CYRIA: variants seen among roughly 807,000 people sequenced by gnomAD.
The protein encoded by CYRIA is CYFIP-related Rac1 interactor A.
Under a neutral mutation model 43.9 loss-of-function variants are expected in CYRIA, and 15 were observed. The ratio of observed to expected loss-of-function variants is 0.34; its 90% CI spans 0.23 to 0.53. The LOEUF is 0.53. CYRIA is among the 20% of genes least tolerant of loss of function. The probability of loss-of-function intolerance (pLI) is 0.94; values close to 1 mark genes in which losing one functional copy is unlikely to be tolerated. For missense variants in CYRIA, 236 were observed against 394.2 expected, an observed-to-expected ratio of 0.60 and a Z score of 3.40; for synonymous variants, 117 against 136.0, an observed-to-expected ratio of 0.86 and a Z score of 0.97.
intron 3 of CYRIA, among the ~76,000 whole-genome samples, chr2:16,587,351 C>A (rs540753624): frequency 7.0e-4 from 106 of 152,210 alleles, no homozygotes; most frequent in Non-Finnish European, 1.3e-3. Flanking sequence ...GTTTTCTTCA[C>A]ATCTTTTTTC....
chr2:16,579,966 G>C (rs915001056), intron 3 of CYRIA, among the ~76,000 whole-genome samples: 25 of 131,378 alleles, frequency 1.9e-4, no homozygotes, highest in Admixed American at 7.5e-4. Flanking sequence ...TTTTTTTTTT[G>C]AGACAGGGTC....
chr2:16,618,282 CTTCTCT>C (rs1668872670), intron 2 of CYRIA, among the ~76,000 whole-genome samples: 2 of 152,208 alleles, frequency 1.3e-5, no homozygotes, highest in Admixed American at 6.5e-5. Context: ...TTCCCAGCAT[CTTCTCT>C]TTCTTTCTCT....
rs1669762676 is a variant in CYRIA, at chr2:16,644,481, T to C, written c.-166-20462A>G. 2.0e-5 allele frequency among the ~76,000 whole-genome samples: 3 copies of C among 152,198 alleles called. No individual in the cohort carries two copies. The South Asian group carries it at 6.2e-4, about 31-fold the overall frequency. On this transcript the variant is annotated intron_variant, in intron 1 of 11. Transcript: ENST00000381323. Reference sequence around the variant, plus strand: ...TCTCCTCTGGACAGTCCTTGCCATGTCCACCCATGAGCAGGAGCCTATCAC... The same window carrying C: ...TCTCCTCTGGACAGTCCTTGCCATGCCCACCCATGAGCAGGAGCCTATCAC...
intron 1 of CYRIA, among the ~76,000 whole-genome samples, chr2:16,646,846 C>T (rs866691887): frequency 3.9e-5 from 6 of 152,058 alleles, no homozygotes; most frequent in African/African-American, 1.5e-4. Context: ...TCTCTCTTTG[C>T]TTCTGTGTCT....
chr2:16,640,519 C>G (rs920086459), intron 1 of CYRIA, among the ~76,000 whole-genome samples: 49 of 152,344 alleles, frequency 3.2e-4, no homozygotes, highest in Admixed American at 2.5e-3. Context: ...AATGGGCAGG[C>G]AGCCTGCCTA....
intron 3 of CYRIA, among the ~76,000 whole-genome samples, chr2:16,582,706 T>C (rs2103449040): frequency 6.6e-6 from 1 of 152,344 alleles, no homozygotes; most frequent in South Asian, 2.1e-4. Context: ...ATTTTTTTAA[T>C]TGATCAATAA....
intron 2 of CYRIA, among the ~76,000 whole-genome samples, chr2:16,603,765 C>CA (rs1175195533): frequency 3.9e-5 from 6 of 152,208 alleles, no homozygotes; most frequent in Non-Finnish European, 8.8e-5. Flanking sequence ...ACAGGACTAG[C>CA]ATGTAGTAAG....
At chr2:16,610,914 A>ATATATATG (rs1668572560) in intron 2 of CYRIA, among the ~76,000 whole-genome samples, 1 of 61,980 alleles carries the variant, frequency 1.6e-5, no homozygotes, top group African/African-American at 9.9e-5. Flanking sequence ...ATATATATAT[A>ATATATATG]TATATATATA....
chr2:16,557,689 C>T (rs1267418477), intron 10 of CYRIA, among the ~76,000 whole-genome samples: 6 of 152,240 alleles, frequency 3.9e-5, no homozygotes, highest in South Asian at 2.1e-4. Context: ...CAAGACTATG[C>T]GTGAAGACTT....
intron 1 of CYRIA, among the ~76,000 whole-genome samples, chr2:16,642,701 A>C (rs531778226): frequency 5.9e-5 from 9 of 152,228 alleles, no homozygotes; most frequent in African/African-American, 1.9e-4. Flanking sequence ...TATCAGGTCC[A>C]TCACATTGGC....
At chr2:16,655,239 C>G (rs1670079589) in intron 1 of CYRIA, among the ~76,000 whole-genome samples, 1 of 152,238 alleles carries the variant, frequency 6.6e-6, no homozygotes, top group African/African-American at 2.4e-5. Context: ...GAACAATCTC[C>G]TCTTCCATCT....
chr2:16,556,349 T>C (rs1034543979), intron 10 of CYRIA, among the ~76,000 whole-genome samples: 14 of 152,118 alleles, frequency 9.2e-5, no homozygotes, highest in African/African-American at 3.4e-4. Flanking sequence ...ATGCCAGGTA[T>C]ATGCCACCCC....
intron 10 of CYRIA, among the ~76,000 whole-genome samples, chr2:16,557,602 T>C (rs1446241638): frequency 6.6e-6 from 1 of 152,142 alleles, no homozygotes; most frequent in African/African-American, 2.4e-5. Context: ...GAAACTTTCT[T>C]AGAGGTACAC....
intron 11 of CYRIA, among the ~76,000 whole-genome samples, chr2:16,554,700 C>A (rs1666443081): frequency 6.6e-6 from 1 of 152,086 alleles, no homozygotes; most frequent in African/African-American, 2.4e-5. Context: ...GTTTGGGAAC[C>A]ACTGGTAAAG....
intron 1 of CYRIA, among the ~76,000 whole-genome samples, chr2:16,663,054 C>T (rs551918811): frequency 1.3e-5 from 2 of 152,294 alleles, no homozygotes; most frequent in East Asian, 3.9e-4. Flanking sequence ...CTGGAGGATG[C>T]CTCTAACCCT....
At position 16,653,541 on chromosome 2, in the gene CYRIA, A is replaced by G. The variant is rs1357532201; in HGVS notation, c.-167+12239T>C. 2.6e-5 allele frequency among the ~76,000 whole-genome samples: 4 copies of G among 152,160 alleles called. No individual in the cohort carries two copies. The East Asian group carries it at 7.7e-4, about 29-fold the overall frequency. Reference sequence around the variant, plus strand: ...AACTTACCACCATCTAACATGATATACATTTTACTTGTTTATATGTTTATG... The same window carrying G: ...AACTTACCACCATCTAACATGATATGCATTTTACTTGTTTATATGTTTATG... On this transcript the variant is annotated intron_variant, in intron 1 of 11. Coordinates refer to ENST00000381323, the MANE Select transcript of CYRIA (RefSeq NM_030797.4).
intron 2 of CYRIA, among the ~76,000 whole-genome samples, chr2:16,619,606 T>C (rs1015007902): frequency 2.0e-5 from 3 of 152,212 alleles, no homozygotes; most frequent in Non-Finnish European, 4.4e-5. Context: ...TTTCTACTTC[T>C]TTTCTTGGTC....
At chr2:16,660,919 G>C (rs1670236106) in intron 1 of CYRIA, among the ~76,000 whole-genome samples, 1 of 152,166 alleles carries the variant, frequency 6.6e-6, no homozygotes. Context: ...GGGATTCTTA[G>C]GCCAGGGAAA....
At chr2:16,592,968 T>A (rs1667980562) in intron 2 of CYRIA, among the ~76,000 whole-genome samples, 1 of 152,174 alleles carries the variant, frequency 6.6e-6, no homozygotes. Context: ...TCTAACTGCC[T>A]GTTACTCCAG....
Sources: allele counts gnomAD v4.1 joint callset (sites outside exome capture counted in the v4.1 genomes callset), GRCh38; gene constraint gnomAD v4.1.1; transcripts MANE v1.5; gene names NCBI Gene and HGNC (gene_info 2026-07-23, HGNC 2026-07-21).